The following TTC39C variants were observed in gnomAD, a reference collection of about 807,000 sequenced individuals.
TTC39C encodes the protein tetratricopeptide repeat protein 39C.
TTC39C carries 33 observed loss-of-function variants against 76.3 expected under a neutral mutation model. The observed-to-expected ratio is 0.43, with a 90% confidence interval of 0.33 to 0.58. The LOEUF is 0.58. Ranked by LOEUF, TTC39C falls within the 20% of genes least tolerant of loss-of-function variation. The pLI is 0.04. For missense variants in TTC39C, 595 were observed against 701.4 expected, an observed-to-expected ratio of 0.85 and a Z score of 1.71; for synonymous variants, 254 against 260.6, an observed-to-expected ratio of 0.97 and a Z score of 0.24.
intron 1 of TTC39C, among the ~76,000 whole-genome samples, chr18:24,016,119 C>T (rs2083451725): frequency 6.6e-6 from 1 of 152,218 alleles, no homozygotes; most frequent in African/African-American, 2.4e-5. Context: ...TTCTACCCAG[C>T]AGAGCTTCCA....
chr18:24,061,509 G>A (rs1167260824), intron 1 of TTC39C, among the ~76,000 whole-genome samples: 1 of 147,536 alleles, frequency 6.8e-6, no homozygotes, highest in Non-Finnish European at 1.5e-5. Flanking sequence ...TGGAATGAAT[G>A]CATTTTGTGT....
intron 3 of TTC39C, among the ~76,000 whole-genome samples, chr18:24,067,296 C>A (rs1039793149): frequency 3.9e-5 from 6 of 152,194 alleles, no homozygotes; most frequent in African/African-American, 1.4e-4. Flanking sequence ...TTGAATTCAT[C>A]AACTACTCTC....
intron 1 of TTC39C, among the ~76,000 whole-genome samples, chr18:24,022,272 A>G (rs1026121366): frequency 6.6e-6 from 1 of 152,124 alleles, no homozygotes; most frequent in African/African-American, 2.4e-5. Flanking sequence ...ACATTCTTTT[A>G]AAGGCTCACA....
intron 1 of TTC39C, chr18:24,016,888 A>G (rs932660421): frequency 1.5e-5 from 6 of 396,230 alleles, no homozygotes; most frequent in African/African-American, 8.2e-5. Context: ...ATTCCCTTAT[A>G]TATTCTCACT....
chr18:24,048,319 A>C (rs2083909682), intron 1 of TTC39C, among the ~76,000 whole-genome samples: 2 of 152,264 alleles, frequency 1.3e-5, no homozygotes, highest in African/African-American at 4.8e-5. Flanking sequence ...ACTATAGGAC[A>C]CTAATATATA....
At chr18:24,096,592 T>C (rs1174546113) in intron 6 of TTC39C, among the ~76,000 whole-genome samples, 3 of 152,222 alleles carry the variant, frequency 2.0e-5, no homozygotes, top group Non-Finnish European at 2.9e-5. Context: ...GATGTACATA[T>C]GGTTTTATTC....
chr18:24,132,657 A>G lies in TTC39C; in HGVS notation c.*83A>G. On this transcript the variant is annotated 3_prime_UTR_variant, in exon 14 of 14. Transcript: ENST00000317571. The stretch of plus-strand genomic sequence containing the variant: ...AGCAGAGGACAAAGCTCTTGTGAAG[A>G]TGGGCTTTTCTTCTGAAAACCACCT... 4.1e-6 allele frequency: 5 copies of G among 1,223,684 alleles called. No individual in the cohort carries two copies. The highest frequency in any genetic ancestry group is 2.9e-5 in the South Asian group (2 of 68,670). The allele number at this position is 1,223,684 out of a possible 1,614,324, so 75.8% of individuals were successfully genotyped here.
intron 1 of TTC39C, among the ~76,000 whole-genome samples, chr18:24,024,623 A>G (rs2083575010): frequency 6.6e-6 from 1 of 152,108 alleles, no homozygotes; most frequent in Non-Finnish European, 1.5e-5. Flanking sequence ...TCAGGATGGT[A>G]TTAATTTCCT....
intron 1 of TTC39C, among the ~76,000 whole-genome samples, chr18:24,040,501 C>T (rs2083779571): frequency 6.6e-6 from 1 of 152,160 alleles, no homozygotes; most frequent in African/African-American, 2.4e-5. Flanking sequence ...TCATACATGT[C>T]ATGTTTTTCC....
At chr18:24,072,604 C>G (rs2084255464) in intron 4 of TTC39C, among the ~76,000 whole-genome samples, 1 of 152,176 alleles carries the variant, frequency 6.6e-6, no homozygotes, top group Admixed American at 6.5e-5. Flanking sequence ...GTCAATGCTT[C>G]TTACTTTTAA....
Position 24,074,661 on chromosome 18 carries a change from G to A in TTC39C, c.460+5390G>A, listed in dbSNP as rs532645160. Among the ~76,000 whole-genome samples the A allele has an allele frequency of 1.4e-3, 208 of 152,280 alleles. 1 individual carries two copies. Among genetic ancestry groups the A allele is most frequent in the Non-Finnish European group, 2.3e-3 (154 of 68,018 alleles). On this transcript the variant is annotated intron_variant, in intron 4 of 13. Coordinates refer to ENST00000317571, the MANE Select transcript of TTC39C (RefSeq NM_001135993.2). ...AAAAGTCAGGAAACAACAGGTGCTG[G>A]AGAGGATGTGGAGAAATAGGAACAC...
chr18:24,019,460 C>T (rs56709860), intron 1 of TTC39C, among the ~76,000 whole-genome samples: 3 of 152,072 alleles, frequency 2.0e-5, no homozygotes, highest in East Asian at 1.9e-4. Context: ...TATAAAATGG[C>T]GAAAATGTAT....
At chr18:24,109,599 G>C (rs1484530965) in intron 6 of TTC39C, among the ~76,000 whole-genome samples, 1 of 152,162 alleles carries the variant, frequency 6.6e-6, no homozygotes, top group Non-Finnish European at 1.5e-5. Context: ...ATATAGTTCA[G>C]AGCACAGGAA....
rs989288402 is a variant in TTC39C at position 24,133,159 on chromosome 18, C to A, written c.*585C>A. ...TTAATTATTCCTGTTATCAGCAGAG[C>A]AATGAATAGAAAGCAGATCTCCTGA... is the stretch of plus-strand genomic sequence containing the variant. On this transcript the variant is annotated 3_prime_UTR_variant, in exon 14 of 14. Transcript: ENST00000317571. 5.9e-5 allele frequency: 9 copies of A among 152,150 alleles called. No individual in the cohort carries two copies. Among genetic ancestry groups the A allele is most frequent in the African/African-American group, 2.2e-4 (9 of 41,432 alleles). The allele number at this position is 152,150 out of a possible 1,614,324, so 9.4% of individuals were successfully genotyped here.
chr18:24,106,604 G>A (rs1289257212), intron 6 of TTC39C, among the ~76,000 whole-genome samples: 2 of 152,148 alleles, frequency 1.3e-5, no homozygotes, highest in Non-Finnish European at 2.9e-5. Flanking sequence ...CCTGGGCTGG[G>A]GCACATAATT....
rs149089517 is a variant in TTC39C, at chr18:24,065,913, AATTT to A, written c.217-97_217-94del. On this transcript the variant is annotated intron_variant, in intron 2 of 13. Transcript: ENST00000317571. ...TGTGATTCTTTTGCTTGCAATAAAT[AATTT>A]AAGTGTTTTTTTAATTTGGAGTTTT... 2.4e-3 allele frequency: 2,960 copies of A among 1,246,284 alleles called. 63 individuals carry two copies. In the African/African-American group the frequency reaches 0.04, roughly 17 times the overall value. The allele number at this position is 1,246,284 out of a possible 1,614,324, so 77.2% of individuals were successfully genotyped here.
At chr18:24,125,369 A>G in intron 9 of TTC39C, 58 bp from the exon 10 acceptor site, 1 of 1,608,824 alleles carries the variant, frequency 6.2e-7, no homozygotes, top group Non-Finnish European at 8.5e-7. Flanking sequence ...TCTGAGGTAT[A>G]TTTTTTATTT....
chr18:24,033,111 G>A (rs1375450042), intron 1 of TTC39C, among the ~76,000 whole-genome samples: 1 of 152,104 alleles, frequency 6.6e-6, no homozygotes, highest in Admixed American at 6.5e-5. Context: ...AAATTCGCTG[G>A]GCCTGGTGGC....
chr18:24,134,188 A>G lies in TTC39C; in HGVS notation c.*1614A>G, dbSNP rs2085167702. Reference sequence around the variant, plus strand: ...GTAAGAGAGAAGAGATTGCTCTCCTATATTCAGTGAATGAGAAGGGAACTT... The same window carrying G: ...GTAAGAGAGAAGAGATTGCTCTCCTGTATTCAGTGAATGAGAAGGGAACTT... On this transcript the variant is annotated 3_prime_UTR_variant, in exon 14 of 14. Coordinates refer to ENST00000317571, the MANE Select transcript of TTC39C (RefSeq NM_001135993.2). 1 of 151,412 alleles carries G rather than the reference A, an allele frequency of 6.6e-6. No homozygotes were observed. The highest frequency in any genetic ancestry group is 2.5e-5 in the African/African-American group (1 of 40,520). The allele number at this position is 151,412 out of a possible 1,614,324, so 9.4% of individuals were successfully genotyped here. A position where few individuals can be genotyped will look rare whatever the true frequency, so the allele number is the denominator to read the frequency against.
Sources: gnomAD v4.1 joint callset for allele counts (sites outside exome capture counted in the v4.1 genomes callset) on GRCh38, gnomAD v4.1.1 for gene constraint, MANE v1.5 for transcripts, NCBI Gene and HGNC (gene_info 2026-07-23, HGNC 2026-07-21) for gene names.